Variants in ZNF385B observed in about 807,000 individuals in gnomAD.
ZNF385B encodes zinc finger protein 533.
A neutral mutation model predicts 39.2 loss-of-function variants in ZNF385B; 23 were observed. That is an observed-to-expected ratio of 0.59 (90% CI 0.42 to 0.83). The LOEUF is 0.83. Ranked by LOEUF, ZNF385B falls within the 40% of genes least tolerant of loss-of-function variation. ZNF385B has a pLI of 0.00. For synonymous variants in ZNF385B, 205 were observed against 222.6 expected (o/e 0.92, Z 0.70); for missense variants, 552 against 598.9 (o/e 0.92, Z 0.82).
chr2:179,676,773 T>C (rs1696890656), intron 3 of ZNF385B, among the ~76,000 whole-genome samples: 2 of 152,164 alleles, frequency 1.3e-5, no homozygotes, highest in Non-Finnish European at 2.9e-5. Context: ...ATTGGTAATG[T>C]CTGAGGCATT....
At chr2:179,753,927 T>C (rs1019599763) in intron 3 of ZNF385B, among the ~76,000 whole-genome samples, 3 of 152,126 alleles carry the variant, frequency 2.0e-5, no homozygotes, top group African/African-American at 7.2e-5. Context: ...TCTTTATTTC[T>C]TTCTCCTGCC....
chr2:179,586,907 C>T (rs1399442518), intron 3 of ZNF385B, among the ~76,000 whole-genome samples: 4 of 151,808 alleles, frequency 2.6e-5, no homozygotes, highest in Non-Finnish European at 2.9e-5. Context: ...GGCGTGGTGG[C>T]ACGTGCCTGT....
At chr2:179,620,209 T>A (rs1690093829) in intron 3 of ZNF385B, among the ~76,000 whole-genome samples, 1 of 152,164 alleles carries the variant, frequency 6.6e-6, no homozygotes, top group Non-Finnish European at 1.5e-5. Flanking sequence ...CTTTTCCTGT[T>A]CATCTAGCTG....
At chr2:179,608,529 C>A (rs552230749) in intron 3 of ZNF385B, among the ~76,000 whole-genome samples, 10 of 152,136 alleles carry the variant, frequency 6.6e-5, no homozygotes, top group Non-Finnish European at 1.5e-4. Flanking sequence ...TCCTTTTCTT[C>A]ATTTATCTTT....
At chr2:179,707,910 G>C (rs1460676625) in intron 3 of ZNF385B, among the ~76,000 whole-genome samples, 1 of 152,200 alleles carries the variant, frequency 6.6e-6, no homozygotes, top group African/African-American at 2.4e-5. Context: ...TCGCTAAGGA[G>C]CCTCAAGTTC....
chr2:179,799,013 T>C (rs1705861693), intron 1 of ZNF385B, among the ~76,000 whole-genome samples: 1 of 152,046 alleles, frequency 6.6e-6, no homozygotes, highest in Non-Finnish European at 1.5e-5. Flanking sequence ...ATTTAGATAT[T>C]TGATTTTAAC....
intron 4 of ZNF385B, among the ~76,000 whole-genome samples, chr2:179,528,633 A>G (rs1390015923): frequency 6.6e-6 from 1 of 152,246 alleles, no homozygotes; most frequent in African/African-American, 2.4e-5. Flanking sequence ...TTTAGTGGAA[A>G]CCTAGTAATG....
chr2:179,674,822 GA>G (rs1191369247), intron 3 of ZNF385B, among the ~76,000 whole-genome samples: 3 of 152,188 alleles, frequency 2.0e-5, no homozygotes, highest in Admixed American at 6.5e-5. Context: ...TGAATAGAGG[GA>G]CAGGGCTCAC....
At chr2:179,487,398 G>T (rs2054694969) in intron 5 of ZNF385B, among the ~76,000 whole-genome samples, 1 of 152,240 alleles carries the variant, frequency 6.6e-6, no homozygotes, top group African/African-American at 2.4e-5. Flanking sequence ...TTCTCCTGTG[G>T]TATTCTTAGT....
At chr2:179,526,319 G>T (rs1261041747) in intron 4 of ZNF385B, among the ~76,000 whole-genome samples, 3 of 152,092 alleles carry the variant, frequency 2.0e-5, no homozygotes, top group Admixed American at 2.0e-4. Context: ...GCCAGGCGCG[G>T]TGGCTCACGC....
At chr2:179,741,693 C>T (rs1702098292) in intron 3 of ZNF385B, among the ~76,000 whole-genome samples, 1 of 151,910 alleles carries the variant, frequency 6.6e-6, no homozygotes. Context: ...TAAAAATCTA[C>T]CTATAAATAT....
At chr2:179,584,192 G>T in intron 3 of ZNF385B, 2 of 348,840 alleles carry the variant, frequency 5.7e-6, no homozygotes, top group South Asian at 4.5e-5. Flanking sequence ...GAATATTATA[G>T]GGATGTAGGC....
At chr2:179,673,807 A>G (rs552706059) in intron 3 of ZNF385B, among the ~76,000 whole-genome samples, 2 of 152,252 alleles carry the variant, frequency 1.3e-5, no homozygotes, top group East Asian at 1.9e-4. Context: ...TGAAGATACT[A>G]TTTCATAACT....
At chr2:179,620,467 C>T (rs763492976) in intron 3 of ZNF385B, among the ~76,000 whole-genome samples, 2 of 152,020 alleles carry the variant, frequency 1.3e-5, no homozygotes, top group African/African-American at 2.4e-5. Flanking sequence ...ACTTTTATTA[C>T]AGACCTTCTA....
chr2:179,518,462 G>A (rs1375129544), intron 5 of ZNF385B, 66 bp downstream of exon 5: 23 of 1,107,404 alleles, frequency 2.1e-5, no homozygotes, highest in Middle Eastern at 2.2e-4. Flanking sequence ...AGAAATGTAC[G>A]TATTTAGATC....
At position 179,443,303 on chromosome 2, in the gene ZNF385B, C is replaced by T. The variant is rs1336865088; in HGVS notation, c.1408G>A (p.Gly470Arg). ...GGAGTGGCGCGGATGGGCCCATGCC[C>T]AGGCCTCAGAAGAGCTGGAGGAATG... ...PAIPPALLRPGHGPIRATPAS... is the reference protein window; with the variant it reads ...PAIPPALLRPRHGPIRATPAS... Residue 470 changes from glycine (G) to arginine (R), a missense_variant, in exon 10 of 10, where the codon GGG becomes AGG. Coordinates refer to ENST00000410066, the MANE Select transcript of ZNF385B (RefSeq NM_152520.6). 1 of 1,612,734 alleles carries T rather than the reference C, an allele frequency of 6.2e-7. No individual in the cohort carries two copies. The highest frequency in any genetic ancestry group is 1.1e-5 in the South Asian group (1 of 90,998).
chr2:179,848,712 G>A (rs1038499877), intron 1 of ZNF385B, among the ~76,000 whole-genome samples: 2 of 152,142 alleles, frequency 1.3e-5, no homozygotes, highest in Admixed American at 6.5e-5. Flanking sequence ...CTGTGAAATG[G>A]GCTGCTCCTT....
intron 1 of ZNF385B, among the ~76,000 whole-genome samples, chr2:179,802,371 T>C (rs1341833137): frequency 2.0e-5 from 3 of 152,144 alleles, no homozygotes; most frequent in African/African-American, 7.2e-5. Flanking sequence ...TCCAGTCCCA[T>C]TTACTACATT....
chr2:179,735,777 C>G (rs2106438892), intron 3 of ZNF385B, among the ~76,000 whole-genome samples: 1 of 150,706 alleles, frequency 6.6e-6, no homozygotes, highest in Non-Finnish European at 1.5e-5. Context: ...TAAACTATCT[C>G]AAGAACTAAA....
Sources: allele counts gnomAD v4.1 joint callset (sites outside exome capture counted in the v4.1 genomes callset), GRCh38; gene constraint gnomAD v4.1.1; transcripts MANE v1.5; gene names NCBI Gene and HGNC (gene_info 2026-07-23, HGNC 2026-07-21).